The following TCFL5 variants were observed in gnomAD, a reference collection of about 807,000 sequenced individuals.
The protein encoded by TCFL5 is transcription factor-like 5 protein.
In TCFL5, 9 loss-of-function variants were observed where a neutral mutation model predicts 44.3. That is an observed-to-expected ratio of 0.20 (90% CI 0.12 to 0.35). TCFL5 has a LOEUF of 0.35. Ranked by LOEUF, TCFL5 falls within the 10% of genes least tolerant of loss-of-function variation. TCFL5 has a pLI of 1.00. For synonymous variants in TCFL5, 319 were observed against 271.6 expected, an observed-to-expected ratio of 1.17 and a Z score of -1.72; for missense variants, 603 against 613.4, an observed-to-expected ratio of 0.98 and a Z score of 0.18.
At chr20:62,854,740 C>T (rs2063861742) in intron 4 of TCFL5, among the ~76,000 whole-genome samples, 2 of 152,198 alleles carry the variant, frequency 1.3e-5, no homozygotes, top group African/African-American at 2.4e-5. Flanking sequence ...ATTTTTTAAA[C>T]TTTTACATAT....
In TCFL5 at chr20:62,861,274, G is replaced by C. The variant is rs1467316064; in HGVS notation, c.397C>G (p.Leu133Val). Reference protein sequence around the residue: ...HIDFQELRMMLLSEAGAAEKT... With the variant: ...HIDFQELRMMVLSEAGAAEKT... ...TCCGCCGCGCCCGCCTCGCTTAGCAGCATCATGCGCAGCTCCTGGAAGTCG... is the reference window on the plus strand; with the variant it reads ...TCCGCCGCGCCCGCCTCGCTTAGCACCATCATGCGCAGCTCCTGGAAGTCG... Residue 133 changes from leucine (L) to valine (V), a missense_variant, in exon 1 of 6, where the codon CTG becomes GTG. Physicochemically the swap from Leu to Val is conservative, Grantham distance 32. This residue lies in a region of TCFL5 where 540 missense variants were observed against 478.7 expected (regional missense o/e 1.13). Transcript: ENST00000335351. The surrounding 1 kb of genome is among the most constrained non-coding windows in gnomAD (Gnocchi z 4.0). 1 of 1,216,108 alleles carries C rather than the reference G, an allele frequency of 8.2e-7. No homozygotes were observed. The highest frequency in any genetic ancestry group is 1.0e-6 in the Non-Finnish European group (1 of 958,690). The allele number at this position is 1,216,108 out of a possible 1,614,324, so 75.3% of individuals were successfully genotyped here. A position where few individuals can be genotyped will look rare whatever the true frequency, so the allele number is the denominator to read the frequency against.
intron 5 of TCFL5, chr20:62,846,262 C>CT (rs2063741547): frequency 1.2e-5 from 6 of 493,258 alleles, no homozygotes; most frequent in Non-Finnish European, 2.0e-5. Context: ...AGTGATGAGG[C>CT]TAGTCCCGGC....
In TCFL5 at chr20:62,841,148, TTCTC is replaced by T. The variant is rs1600816595; in HGVS notation, c.*823_*826del. ...AATAAAGAATTTAATGTACAGTAAA[TTCTC>T]TCCCATACAAAGGTCTAGTCTGATG... On this transcript the variant is annotated 3_prime_UTR_variant, in exon 6 of 6. Transcript: ENST00000335351. The T allele has an allele frequency of 1.9e-5, 4 of 210,114 alleles. No individual in the cohort carries two copies. The South Asian group carries it at 2.7e-4, about 14-fold the overall frequency. 13.0% of individuals were successfully genotyped at this position (210,114 alleles called of 1,614,324 possible).
intron 1 of TCFL5, 81 bp downstream of exon 1, chr20:62,860,943 C>A: frequency 1.0e-6 from 1 of 957,874 alleles, no homozygotes; most frequent in Non-Finnish European, 1.2e-6. Context: ...CAGCGAGGGC[C>A]CCCTTTGCCT....
At chr20:62,851,998 G>A in intron 5 of TCFL5, 2 of 825,268 alleles carry the variant, frequency 2.4e-6, no homozygotes, top group Non-Finnish European at 2.9e-6. Flanking sequence ...AGAGACGGGG[G>A]TCTCATCATG....
At chr20:62,845,464 G>A (rs2063729586) in intron 5 of TCFL5, 6 of 1,355,812 alleles carry the variant, frequency 4.4e-6, no homozygotes, top group Non-Finnish European at 5.7e-6. Context: ...AATTTAAAAT[G>A]ACCCCACATT....
At position 62,841,104 on chromosome 20, in the gene TCFL5, T is replaced by G; in HGVS notation, c.*871A>C. 1 of 235,112 alleles carries G rather than the reference T, an allele frequency of 4.3e-6. No homozygotes were observed. 14.6% of individuals were successfully genotyped at this position (235,112 alleles called of 1,614,324 possible). A position where few individuals can be genotyped will look rare whatever the true frequency, so the allele number is the denominator to read the frequency against. ...TATATTAAACCTTCAGATTAATGAC[T>G]GGCTACAGAGTAACAAAAAATAAAG... On this transcript the variant is annotated 3_prime_UTR_variant, in exon 6 of 6. Coordinates refer to ENST00000335351, the MANE Select transcript of TCFL5 (RefSeq NM_006602.4).
At chr20:62,859,740 A>G (rs113956424) in intron 2 of TCFL5, among the ~76,000 whole-genome samples, 15,841 of 147,906 alleles carry the variant, frequency 0.11, 1,051 homozygotes, top group Non-Finnish European at 0.15. Flanking sequence ...TTTTTTTTTG[A>G]GACAGGCTCT....
intron 2 of TCFL5, 132 bp downstream of exon 2, chr20:62,859,993 G>C: frequency 1.1e-6 from 1 of 900,184 alleles, no homozygotes; most frequent in Non-Finnish European, 1.7e-6. Context: ...ACAGGTGTCG[G>C]CCTTGGCGCC....
intron 5 of TCFL5, chr20:62,846,041 T>C: frequency 7.4e-7 from 1 of 1,350,482 alleles, no homozygotes; most frequent in Non-Finnish European, 9.8e-7. Flanking sequence ...GTGTTGTGGA[T>C]TCTTTCCATC....
chr20:62,843,149 G>C (rs1016988122), intron 5 of TCFL5, among the ~76,000 whole-genome samples: 5 of 152,206 alleles, frequency 3.3e-5, no homozygotes, highest in Non-Finnish European at 1.5e-5. Flanking sequence ...TGAACGGTGA[G>C]GAAGAAAGGA....
chr20:62,854,990 C>T (rs1392401623), intron 4 of TCFL5, among the ~76,000 whole-genome samples: 1 of 152,232 alleles, frequency 6.6e-6, no homozygotes, highest in Non-Finnish European at 1.5e-5. Flanking sequence ...AGAAGTCCAA[C>T]TTTCAAACTG....
intron 3 of TCFL5, among the ~76,000 whole-genome samples, chr20:62,858,239 T>A (rs968157389): frequency 7.9e-5 from 12 of 152,374 alleles, no homozygotes; most frequent in African/African-American, 2.6e-4. Flanking sequence ...CTATGCCACG[T>A]GTGCGTCAGT....
intron 5 of TCFL5, among the ~76,000 whole-genome samples, chr20:62,848,775 G>A (rs2063774929): frequency 6.6e-6 from 1 of 151,334 alleles, no homozygotes; most frequent in Non-Finnish European, 1.5e-5. Flanking sequence ...TGGTGGCTCA[G>A]GCCTGTAATC....
chr20:62,860,906 G>T, intron 1 of TCFL5, 118 bp downstream of exon 1: 2 of 850,136 alleles, frequency 2.4e-6, no homozygotes, highest in African/African-American at 1.8e-5. Context: ...GCCCTGTGCC[G>T]CCGGGAGGGC....
intron 5 of TCFL5, among the ~76,000 whole-genome samples, chr20:62,850,970 G>A (rs778451895): frequency 2.0e-5 from 3 of 152,158 alleles, no homozygotes; most frequent in Non-Finnish European, 4.4e-5. Flanking sequence ...CTCGTCCCCT[G>A]CCTCCCTCCA....
chr20:62,852,362 C>T (rs7266845), intron 5 of TCFL5: 46 of 697,898 alleles, frequency 6.6e-5, no homozygotes, highest in South Asian at 1.8e-4. Flanking sequence ...CCCTGGAACT[C>T]GGGTCCCCTG....
In TCFL5 at chr20:62,861,468, G is replaced by A. The variant is rs1429707359; in HGVS notation, c.203C>T (p.Ala68Val). 2 of 1,187,274 alleles carry A rather than the reference G, an allele frequency of 1.7e-6. No individual in the cohort carries two copies. The highest frequency in any genetic ancestry group is 4.4e-5 in the East Asian group (1 of 22,820). The allele number at this position is 1,187,274 out of a possible 1,614,324, so 73.5% of individuals were successfully genotyped here. Residue 68 changes from alanine to valine, a missense_variant, in exon 1 of 6, where the codon GCG (alanine) becomes GTG (valine). Physicochemically the swap from Ala to Val is moderately conservative, Grantham distance 64. This residue lies in a region of TCFL5 where 540 missense variants were observed against 478.7 expected (regional missense o/e 1.13). Transcript: ENST00000335351. This position sits in a 1 kb window ranked among gnomAD's most constrained non-coding sequence, Gnocchi z 4.0. ...QHILCSHMEA[A>V]ADGELETRLN... ...GCGCGTCTCGAGCTCGCCGTCAGCC[G>A]CCGCCTCCATGTGCGAGCAGAGGAT...
intron 5 of TCFL5, chr20:62,845,673 T>C: frequency 6.2e-7 from 1 of 1,606,508 alleles, no homozygotes; most frequent in Non-Finnish European, 8.5e-7. Flanking sequence ...CATGGCAGTA[T>C]TTCATGACGA....
Sources: gnomAD v4.1 joint callset for allele counts (sites outside exome capture counted in the v4.1 genomes callset) on GRCh38, gnomAD v4.1.1 for gene constraint, gnomAD v4.1.1 regional missense constraint, Gnocchi (gnomAD v3.1) non-coding constraint, MANE v1.5 for transcripts, NCBI Gene and HGNC (gene_info 2026-07-23, HGNC 2026-07-21) for gene names.